MLYCD: variants seen among roughly 807,000 people sequenced by gnomAD.
The protein encoded by MLYCD is malonyl-CoA decarboxylase.
In MLYCD, 27 loss-of-function variants were observed where a neutral mutation model predicts 35.8. The observed-to-expected ratio is 0.75, with a 90% CI of 0.56 to 1.04. The LOEUF (loss-of-function observed/expected upper bound fraction) is 1.04. MLYCD is among the 50% of genes least tolerant of loss of function. The probability of loss-of-function intolerance (pLI) is 0.00; values close to 1 mark genes in which losing one functional copy is unlikely to be tolerated. For missense variants in MLYCD, 917 were observed against 665.1 expected (o/e 1.38, Z -4.17); for synonymous variants, 403 against 302.4 (o/e 1.33, Z -3.45).
chr16:83,900,402 T>C (rs1906742403), intron 1 of MLYCD, among the ~76,000 whole-genome samples: 1 of 152,174 alleles, frequency 6.6e-6, no homozygotes, highest in African/African-American at 2.4e-5. Flanking sequence ...ATACTGTTAG[T>C]ATTAAATACG....
chr16:83,925,951 T>A lies in MLYCD; in HGVS notation c.*10462T>A, dbSNP rs1186745180. 2 of 152,310 alleles carry A rather than the reference T, an allele frequency of 1.3e-5. No individual in the cohort carries two copies. The highest frequency in any genetic ancestry group is 2.9e-5 in the Non-Finnish European group (2 of 68,084). The allele number at this position is 152,310 out of a possible 1,614,324, so 9.4% of individuals were successfully genotyped here. A position where few individuals can be genotyped will look rare whatever the true frequency, so the allele number is the denominator to read the frequency against. On this transcript the variant is annotated 3_prime_UTR_variant, in exon 5 of 5. Transcript: ENST00000262430. ...TTTCATGTGTGTATCTCCACTAGAC[T>A]AGACGCTCTCTGAGGGCAGGGACCC... is the stretch of plus-strand genomic sequence containing the variant.
At position 83,922,268 on chromosome 16, in the gene MLYCD, T is replaced by G. The variant is rs2151063558; in HGVS notation, c.*6779T>G. The G allele has an allele frequency of 6.6e-6, 1 of 152,122 alleles. No individual in the cohort carries two copies. Among genetic ancestry groups the G allele is most frequent in the East Asian group, 1.9e-4 (1 of 5,160 alleles). The allele number at this position is 152,122 out of a possible 1,614,324, so 9.4% of individuals were successfully genotyped here. On this transcript the variant is annotated 3_prime_UTR_variant, in exon 5 of 5. Transcript: ENST00000262430. ...GCTACTCTGCTCCATTCCCCCCGTA[T>G]CCGAGACCTAAGTTCCGGCTCTCCT...
At chr16:83,903,382 A>G (rs1160100303) in intron 1 of MLYCD, among the ~76,000 whole-genome samples, 3 of 152,188 alleles carry the variant, frequency 2.0e-5, no homozygotes, top group Non-Finnish European at 4.4e-5. Context: ...CAGTATACCC[A>G]TAGCATCAAG....
At chr16:83,901,798 A>G (rs919919973) in intron 1 of MLYCD, among the ~76,000 whole-genome samples, 2 of 152,180 alleles carry the variant, frequency 1.3e-5, no homozygotes, top group African/African-American at 4.8e-5. Context: ...GACATTCACA[A>G]GTTTCCTTGC....
Position 83,907,062 on chromosome 16 carries a change from T to TAGAAC in MLYCD, c.604_605insAGAAC (p.Trp202Ter). 1 of 1,614,218 alleles carries TAGAAC rather than the reference T, an allele frequency of 6.2e-7. No individual in the cohort carries two copies. The highest frequency in any genetic ancestry group is 8.5e-7 in the Non-Finnish European group (1 of 1,180,028). ...GTTCCTGAACCTAGAACGGGTTACCTGGCATTCACCGTGTGAAGTGCTTCA... is the reference window on the plus strand; with the variant it reads ...GTTCCTGAACCTAGAACGGGTTACCTAGAACGGCATTCACCGTGTGAAGTGCTTCA... On this transcript the variant is annotated stop_gained and frameshift_variant, in exon 2 of 5. Coordinates refer to ENST00000262430, the MANE Select transcript of MLYCD (RefSeq NM_012213.3). LOFTEE classifies it high-confidence loss of function.
intron 1 of MLYCD, among the ~76,000 whole-genome samples, chr16:83,906,273 C>T (rs1272946227): frequency 6.6e-6 from 1 of 151,696 alleles, no homozygotes; most frequent in Non-Finnish European, 1.5e-5. Context: ...CACCTGCAGT[C>T]CCAGCTACTT....
Position 83,920,250 on chromosome 16 carries a change from T to G in MLYCD, c.*4761T>G, listed in dbSNP as rs1907607454. On this transcript the variant is annotated 3_prime_UTR_variant, in exon 5 of 5. Coordinates refer to ENST00000262430, the MANE Select transcript of MLYCD (RefSeq NM_012213.3). The stretch of plus-strand genomic sequence containing the variant: ...AGCCATTCATAGAGCCCATTCTGTT[T>G]GCGATAAAAACAGATCTCCTCCAGC... The G allele has an allele frequency of 6.6e-6, 1 of 152,176 alleles. No individual in the cohort carries two copies. Among genetic ancestry groups the G allele is most frequent in the African/African-American group, 2.4e-5 (1 of 41,430 alleles). The allele number at this position is 152,176 out of a possible 1,614,324, so 9.4% of individuals were successfully genotyped here.
At chr16:83,899,773 C>T (rs1906716454) in intron 1 of MLYCD, 101 bp downstream of exon 1, 1 of 1,327,868 alleles carries the variant, frequency 7.5e-7, no homozygotes, top group East Asian at 2.8e-5. Flanking sequence ...GCCTTCCCTG[C>T]CCGATAGCAC....
Position 83,916,252 on chromosome 16 carries a change from C to T in MLYCD, c.*763C>T. On this transcript the variant is annotated 3_prime_UTR_variant, in exon 5 of 5. Transcript: ENST00000262430. ...GGAAGGCTGGAATCAGCCAGCCAGC[C>T]TACGGGGAGTTTGGGATGAAGGAGC... is the stretch of plus-strand genomic sequence containing the variant. The T allele has an allele frequency of 1.0e-6, 1 of 975,370 alleles. No individual in the cohort carries two copies. Among genetic ancestry groups the T allele is most frequent in the Non-Finnish European group, 1.2e-6 (1 of 819,012 alleles). The allele number at this position is 975,370 out of a possible 1,614,324, so 60.4% of individuals were successfully genotyped here.
intron 3 of MLYCD, among the ~76,000 whole-genome samples, chr16:83,909,789 A>AT (rs534447151): frequency 0.055 from 7,757 of 140,104 alleles, 240 homozygotes; most frequent in East Asian, 0.11. Flanking sequence ...TGCCCAGCTA[A>AT]TTTTTTTTTT....
At position 83,908,317 on chromosome 16, in the gene MLYCD, A is replaced by G. The variant is rs776979376; in HGVS notation, c.798+35A>G. On this transcript the variant is annotated intron_variant, in intron 3 of 4. Coordinates refer to ENST00000262430, the MANE Select transcript of MLYCD (RefSeq NM_012213.3). Reference sequence around the variant, plus strand: ...ATGGTCAATTCGGGACAAGATGGGCACCCCATAGAGCCCCTTGTGTTTTTT... The same window carrying G: ...ATGGTCAATTCGGGACAAGATGGGCGCCCCATAGAGCCCCTTGTGTTTTTT... The G allele has an allele frequency of 1.9e-6, 3 of 1,610,148 alleles. No individual in the cohort carries two copies. In the African/African-American group the frequency reaches 4.0e-5, roughly 22 times the overall value.
In MLYCD at chr16:83,918,968, GAC is replaced by G. The variant is rs1036591383; in HGVS notation, c.*3483_*3484del. 1 of 143,344 alleles carries G rather than the reference GAC, an allele frequency of 7.0e-6. No homozygotes were observed. Among genetic ancestry groups the G allele is most frequent in the Non-Finnish European group, 1.5e-5 (1 of 66,092 alleles). 8.9% of individuals were successfully genotyped at this position (143,344 alleles called of 1,614,324 possible). On this transcript the variant is annotated 3_prime_UTR_variant, in exon 5 of 5. Transcript: ENST00000262430. Reference sequence around the variant, plus strand: ...ACGCACACACAGTGCATAGAGCACAGACACAGTGCACAGGAGAACCACACAAT... The same window carrying G: ...ACGCACACACAGTGCATAGAGCACAGACAGTGCACAGGAGAACCACACAAT...
rs1907043573 is a variant in MLYCD, at chr16:83,908,106, C to G, written c.642-20C>G. The G allele has an allele frequency of 2.5e-6, 4 of 1,614,122 alleles. No individual in the cohort carries two copies. The highest frequency in any genetic ancestry group is 2.5e-6 in the Non-Finnish European group (3 of 1,180,006). On this transcript the variant is annotated intron_variant, in intron 2 of 4. Transcript: ENST00000262430. ...TGTGAATTATGCATTTGTCTTGTCT[C>G]TTTATAAATTCCGCCCCAGGGCTGA...
chr16:83,912,454 GAC>G, intron 4 of MLYCD, 87 bp downstream of exon 4: 4 of 1,558,618 alleles, frequency 2.6e-6, no homozygotes, highest in Non-Finnish European at 2.6e-6. Context: ...TGCCATGAGG[GAC>G]ACAGATGAAG....
chr16:83,899,678 G>A lies in MLYCD; in HGVS notation c.528+6G>A. The A allele has an allele frequency of 6.6e-7, 1 of 1,515,882 alleles. No individual in the cohort carries two copies. The allele number at this position is 1,515,882 out of a possible 1,614,324, so 93.9% of individuals were successfully genotyped here. A position where few individuals can be genotyped will look rare whatever the true frequency, so the allele number is the denominator to read the frequency against. On this transcript the variant is annotated splice_donor_region_variant and intron_variant, in intron 1 of 4. Coordinates refer to ENST00000262430, the MANE Select transcript of MLYCD (RefSeq NM_012213.3). ...TGGAGGGGCCGGACGTCCGGGTAAGGGGCCGCCGTCGATCCCCCGGCAGCG... is the reference window on the plus strand; with the variant it reads ...TGGAGGGGCCGGACGTCCGGGTAAGAGGCCGCCGTCGATCCCCCGGCAGCG...
intron 1 of MLYCD, among the ~76,000 whole-genome samples, chr16:83,904,220 C>G (rs560806607): frequency 6.6e-6 from 1 of 152,204 alleles, no homozygotes; most frequent in Admixed American, 6.5e-5. Flanking sequence ...GATACCAGTA[C>G]CTCTTACGCA....
At chr16:83,910,947 A>G (rs1907155446) in intron 3 of MLYCD, among the ~76,000 whole-genome samples, 1 of 152,190 alleles carries the variant, frequency 6.6e-6, no homozygotes, top group Non-Finnish European at 1.5e-5. Context: ...GCAGATATGC[A>G]TAGACTCACA....
Position 83,916,331 on chromosome 16 carries a change from G to C in MLYCD, c.*842G>C. 2.9e-6 allele frequency: 1 copy of C among 342,970 alleles called. No individual in the cohort carries two copies. The highest frequency in any genetic ancestry group is 4.1e-6 in the Non-Finnish European group (1 of 240,976). The allele number at this position is 342,970 out of a possible 1,614,324, so 21.2% of individuals were successfully genotyped here. A position where few individuals can be genotyped will look rare whatever the true frequency, so the allele number is the denominator to read the frequency against. ...GAAGGAAGGGGCAGTCATTGTGCTT[G>C]TGGGAGGAAGGCAGTTGTGTTTGTG... On this transcript the variant is annotated 3_prime_UTR_variant, in exon 5 of 5. Coordinates refer to ENST00000262430, the MANE Select transcript of MLYCD (RefSeq NM_012213.3).
At position 83,899,519 on chromosome 16, in the gene MLYCD, C is replaced by G. The variant is rs375657338; in HGVS notation, c.375C>G (p.Ala125=). 1.8e-4 allele frequency: 280 copies of G among 1,588,760 alleles called. No homozygotes were observed. The African/African-American group carries it at 3.0e-3, about 17-fold the overall frequency. The change falls in exon 1 of 5, where the codon GCC becomes GCG. Residue 125 remains alanine (A), a synonymous_variant. Transcript: ENST00000262430. ...GGGAGGCGGCGGTGCTGCTGCAGGC[C>G]GAGGACCGGCTGCGCTACGCGCTGG... ...QQREAAVLLQ[A]EDRLRYALVP... is the part of the protein sequence containing the mutation.
Sources: gnomAD v4.1 joint callset for allele counts (sites outside exome capture counted in the v4.1 genomes callset) on GRCh38, gnomAD v4.1.1 for gene constraint, MANE v1.5 for transcripts, NCBI Gene and HGNC (gene_info 2026-07-23, HGNC 2026-07-21) for gene names.